Variants in PRDM16 observed in about 807,000 individuals in gnomAD.
PRDM16 encodes the protein histone-lysine N-methyltransferase PRDM16.
A neutral mutation model predicts 110.6 loss-of-function variants in PRDM16; 23 were observed. The ratio of observed to expected loss-of-function variants is 0.21; its 90% CI spans 0.15 to 0.29. The LOEUF (loss-of-function observed/expected upper bound fraction) is 0.29. Among genes scored for constraint, PRDM16 ranks in the 10% least tolerant of loss-of-function variants. The pLI, the probability that PRDM16 is intolerant of heterozygous loss-of-function variation, is 1.00. For missense variants in PRDM16, 1,615 were observed against 1,794.3 expected, an observed-to-expected ratio of 0.90 and a Z score of 1.81; for synonymous variants, 799 against 781.8, an observed-to-expected ratio of 1.02 and a Z score of -0.37.
At chr1:3,402,421 T>G (rs1643487362) in intron 5 of PRDM16, among the ~76,000 whole-genome samples, 1 of 152,230 alleles carries the variant, frequency 6.6e-6, no homozygotes, top group African/African-American at 2.4e-5. Flanking sequence ...CTGTCATCGT[T>G]TTTCTCCTGA....
Position 3,350,413 on chromosome 1 carries a change from C to A in PRDM16, c.439-34739C>A, listed in dbSNP as rs1642459542. 6.6e-6 allele frequency among the ~76,000 whole-genome samples: 1 copy of A among 152,206 alleles called. No homozygotes were observed. The highest frequency in any genetic ancestry group is 2.4e-5 in the African/African-American group (1 of 41,466). On this transcript the variant is annotated intron_variant, in intron 3 of 16. Transcript: ENST00000270722. The surrounding 1 kb of genome is among the most constrained non-coding windows in gnomAD (Gnocchi z 7.1). ...GCACCCTTGAAGCCACCCCCTCTTT[C>A]CCTCCTGGGCTCTACTGCTCCGTCT...
At chr1:3,216,950 C>T (rs1434849613) in intron 2 of PRDM16, among the ~76,000 whole-genome samples, 2 of 152,252 alleles carry the variant, frequency 1.3e-5, no homozygotes, top group Non-Finnish European at 2.9e-5. Flanking sequence ...AGCCTGAAGC[C>T]ACCCACTGGG....
intron 8 of PRDM16, among the ~76,000 whole-genome samples, chr1:3,408,874 T>A (rs28661172): frequency 7.7e-6 from 1 of 130,594 alleles, no homozygotes; most frequent in Non-Finnish European, 1.6e-5. Flanking sequence ...GCACGTGAGC[T>A]GGTGCGTGTG....
intron 1 of PRDM16, among the ~76,000 whole-genome samples, chr1:3,093,096 C>T (rs1642314281): frequency 6.6e-6 from 1 of 152,208 alleles, no homozygotes; most frequent in Non-Finnish European, 1.5e-5. Flanking sequence ...CTGACCGCTT[C>T]TCCTGACCTG....
chr1:3,421,511 C>T lies in PRDM16; in HGVS notation c.2939+2767C>T, dbSNP rs539061028. 6.8e-4 allele frequency among the ~76,000 whole-genome samples: 104 copies of T among 152,334 alleles called. 2 individuals are homozygous for T. The Middle Eastern group carries it at 0.027, about 40-fold the overall frequency. On this transcript the variant is annotated intron_variant, in intron 12 of 16. Coordinates refer to ENST00000270722, the MANE Select transcript of PRDM16 (RefSeq NM_022114.4). ...ACGCAGACCCCAGCTGCTCGGAGAA[C>T]TCTGCTCCCTCGCAGCCCTGGGCTC... is the stretch of plus-strand genomic sequence containing the variant.
At chr1:3,332,603 A>G (rs1642064038) in intron 3 of PRDM16, among the ~76,000 whole-genome samples, 1 of 152,064 alleles carries the variant, frequency 6.6e-6, no homozygotes, top group Non-Finnish European at 1.5e-5. Context: ...TCTAATTTTA[A>G]CCATTTTAAG....
chr1:3,167,786 G>A (rs1357894224), intron 1 of PRDM16, among the ~76,000 whole-genome samples: 7 of 25,812 alleles, frequency 2.7e-4, no homozygotes, highest in African/African-American at 1.2e-3. Flanking sequence ...GCCTCCCAGC[G>A]CCTCTGTGAC....
chr1:3,378,392 G>A (rs1159067835), intron 3 of PRDM16, among the ~76,000 whole-genome samples: 4 of 152,132 alleles, frequency 2.6e-5, no homozygotes, highest in Non-Finnish European at 4.4e-5. Flanking sequence ...GGCCTGCTTT[G>A]TGGATTCCAG....
intron 1 of PRDM16, among the ~76,000 whole-genome samples, chr1:3,185,518 G>T (rs905265540): frequency 2.0e-5 from 3 of 152,134 alleles, no homozygotes; most frequent in African/African-American, 7.2e-5. Context: ...CCAAGTGCAG[G>T]GATGTCCAGC....
chr1:3,390,364 G>A lies in PRDM16; in HGVS notation c.573+5078G>A, dbSNP rs955628428. On this transcript the variant is annotated intron_variant, in intron 4 of 16. Coordinates refer to ENST00000270722, the MANE Select transcript of PRDM16 (RefSeq NM_022114.4). The surrounding 1 kb of genome is among the most constrained non-coding windows in gnomAD (Gnocchi z 5.0). ...GGGTGCGGGCCCCCCAGCGTACCAC[G>A]GAACGGCTGTAGGGCTCTCAAACGA... is the stretch of plus-strand genomic sequence containing the variant. 1.3e-5 allele frequency among the ~76,000 whole-genome samples: 2 copies of A among 152,148 alleles called. No individual in the cohort carries two copies. Among genetic ancestry groups the A allele is most frequent in the African/African-American group, 4.8e-5 (2 of 41,420 alleles).
At chr1:3,090,777 G>C (rs1011772634) in intron 1 of PRDM16, among the ~76,000 whole-genome samples, 3 of 152,254 alleles carry the variant, frequency 2.0e-5, no homozygotes, top group Non-Finnish European at 4.4e-5. Flanking sequence ...CCTGGGCATT[G>C]GCCCCTGAAG....
chr1:3,211,597 C>G (rs1196224794), intron 2 of PRDM16, among the ~76,000 whole-genome samples: 11 of 152,228 alleles, frequency 7.2e-5, no homozygotes, highest in Non-Finnish European at 2.9e-5. Context: ...ACTTTTGTCT[C>G]AAGGCCCCGG....
chr1:3,194,201 G>A (rs1557519740), intron 2 of PRDM16, among the ~76,000 whole-genome samples: 1 of 152,230 alleles, frequency 6.6e-6, no homozygotes, highest in African/African-American at 2.4e-5. Context: ...TGCACACTGG[G>A]GGGCTATTTA....
At chr1:3,291,541 C>T (rs907284206) in intron 3 of PRDM16, among the ~76,000 whole-genome samples, 1 of 151,708 alleles carries the variant, frequency 6.6e-6, no homozygotes, top group East Asian at 2.0e-4. Context: ...CCACAGGCCT[C>T]GCAGAACTCA....
At chr1:3,223,313 G>C (rs1376067948) in intron 2 of PRDM16, among the ~76,000 whole-genome samples, 2 of 151,926 alleles carry the variant, frequency 1.3e-5, no homozygotes, top group Non-Finnish European at 2.9e-5. Flanking sequence ...CGATTTTCGT[G>C]GGGAGCAAAC....
Position 3,385,167 on chromosome 1 carries a change from G to A in PRDM16, c.454G>A (p.Gly152Ser). The A allele has an allele frequency of 6.2e-7, 1 of 1,613,600 alleles. No homozygotes were observed. Reference protein sequence around the residue: ...GCITKISEDLGSEKFCVDANQ... With the variant: ...GCITKISEDLSSEKFCVDANQ... The stretch of plus-strand genomic sequence containing the variant: ...CTCCCAGCAGATCTCCGAAGACCTG[G>A]GCAGTGAGAAGTTCTGCGTGGATGC... The change falls in exon 4 of 17, where the codon GGC (glycine) becomes AGC (serine). Residue 152 changes from glycine (G) to serine (S), a missense_variant. By Grantham distance (56) the Gly-to-Ser change is moderately conservative. Around this residue, in one of 5 missense-constraint regions of PRDM16, gnomAD observed 416 missense variants for 467.1 expected, o/e 0.89. Transcript: ENST00000270722.
At chr1:3,212,013 G>A (rs1638896822) in intron 2 of PRDM16, among the ~76,000 whole-genome samples, 1 of 152,322 alleles carries the variant, frequency 6.6e-6, no homozygotes, top group African/African-American at 2.4e-5. Context: ...AGTTCTCCGG[G>A]TGGATTAATC....
chr1:3,107,013 G>T (rs1642674326), intron 1 of PRDM16, among the ~76,000 whole-genome samples: 1 of 152,228 alleles, frequency 6.6e-6, no homozygotes, highest in Admixed American at 6.5e-5. Context: ...GCATGGCCAG[G>T]GGGCAGGCCC....
At chr1:3,230,058 G>A (rs1364288646) in intron 2 of PRDM16, among the ~76,000 whole-genome samples, 3 of 152,206 alleles carry the variant, frequency 2.0e-5, no homozygotes, top group Admixed American at 1.3e-4. Context: ...GGAGGAACGC[G>A]CATCCCCCTG....
Sources: allele counts gnomAD v4.1 joint callset (sites outside exome capture counted in the v4.1 genomes callset), GRCh38; gene constraint gnomAD v4.1.1; regional missense constraint gnomAD v4.1.1; non-coding constraint Gnocchi (gnomAD v3.1); transcripts MANE v1.5; gene names NCBI Gene and HGNC (gene_info 2026-07-23, HGNC 2026-07-21).